The following AHCTF1 variants were observed in gnomAD, a reference collection of about 807,000 sequenced individuals.
The protein encoded by AHCTF1 is AT-hook containing transcription factor 1, also known as protein ELYS.
AHCTF1 carries 24 observed loss-of-function variants against 248.4 expected under a neutral mutation model. The ratio of observed to expected loss-of-function variants is 0.10; its 90% confidence interval spans 0.07 to 0.14. The LOEUF (loss-of-function observed/expected upper bound fraction) is 0.14. AHCTF1 is among the 10% of genes least tolerant of loss of function. The probability of loss-of-function intolerance (pLI) is 1.00; values close to 1 mark genes in which losing one functional copy is unlikely to be tolerated. For missense variants in AHCTF1, 2,206 were observed against 2,636.2 expected (o/e 0.84, Z 3.57); for synonymous variants, 786 against 929.8 (o/e 0.85, Z 2.81).
intron 17 of AHCTF1, among the ~76,000 whole-genome samples, 174 bp downstream of exon 17, chr1:246,889,792 A>G (rs1664094909): frequency 6.6e-6 from 1 of 152,226 alleles, no homozygotes; most frequent in South Asian, 2.1e-4. Flanking sequence ...AAAGGAACTA[A>G]GTAGGTTATT....
At chr1:246,899,836 T>C (rs1664868939) in intron 10 of AHCTF1, among the ~76,000 whole-genome samples, 1 of 151,748 alleles carries the variant, frequency 6.6e-6, no homozygotes, top group South Asian at 2.1e-4. Flanking sequence ...TAAGTCATAA[T>C]TCCTTTATAA....
chr1:246,869,319 A>G (rs896471232), intron 24 of AHCTF1, among the ~76,000 whole-genome samples: 1 of 152,124 alleles, frequency 6.6e-6, no homozygotes, highest in Admixed American at 6.5e-5. Context: ...TCCAAAGCCA[A>G]CTAATAACCC....
chr1:246,918,434 G>T, intron 1 of AHCTF1, 57 bp from the exon 2 acceptor site: 2 of 1,460,016 alleles, frequency 1.4e-6, no homozygotes, highest in South Asian at 2.9e-5. Flanking sequence ...CAATATACTT[G>T]ATTATGTCCA....
intron 24 of AHCTF1, among the ~76,000 whole-genome samples, chr1:246,868,988 GC>G (rs1662299310): frequency 2.0e-5 from 3 of 149,358 alleles, no homozygotes; most frequent in South Asian, 4.2e-4. Flanking sequence ...GGGACTACAG[GC>G]GCCCGCCACC....
intron 1 of AHCTF1, among the ~76,000 whole-genome samples, chr1:246,922,865 C>A (rs1218016691): frequency 6.6e-6 from 1 of 150,832 alleles, no homozygotes; most frequent in Non-Finnish European, 1.5e-5. Context: ...CGCCTGTAGT[C>A]CCAGCTACTC....
At chr1:246,860,058 G>A (rs993501332) in intron 29 of AHCTF1, among the ~76,000 whole-genome samples, 17 of 152,002 alleles carry the variant, frequency 1.1e-4, no homozygotes, top group African/African-American at 3.9e-4. Flanking sequence ...TCAGGAGTTC[G>A]AGACCAGCCT....
chr1:246,868,958 C>T (rs940918739), intron 24 of AHCTF1, among the ~76,000 whole-genome samples: 3 of 151,026 alleles, frequency 2.0e-5, no homozygotes, highest in Non-Finnish European at 4.4e-5. Context: ...CATTCTCCTG[C>T]CTCAGCCTGC....
intron 4 of AHCTF1, among the ~76,000 whole-genome samples, chr1:246,908,877 G>A (rs1420937713): frequency 1.3e-5 from 2 of 149,212 alleles, no homozygotes; most frequent in Non-Finnish European, 3.0e-5. Flanking sequence ...CAGCCTGGGT[G>A]ACAGAGCAAG....
chr1:246,908,054 CTGATT>C (rs766789283), intron 4 of AHCTF1, among the ~76,000 whole-genome samples: 2 of 152,014 alleles, frequency 1.3e-5, no homozygotes, highest in Non-Finnish European at 2.9e-5. Context: ...ATAAATAAAA[CTGATT>C]TATTTCTTTA....
intron 1 of AHCTF1, among the ~76,000 whole-genome samples, chr1:246,928,060 G>A (rs1159925338): frequency 6.6e-6 from 1 of 152,050 alleles, no homozygotes; most frequent in East Asian, 1.9e-4. Context: ...GCTCACGCCT[G>A]TAATCCCAAG....
intron 1 of AHCTF1, among the ~76,000 whole-genome samples, chr1:246,927,157 G>C (rs560191260): frequency 2.0e-5 from 3 of 150,108 alleles, no homozygotes; most frequent in Non-Finnish European, 4.4e-5. Context: ...CAGCCTGGGC[G>C]ACAGAGCGAG....
chr1:246,930,222 G>A (rs569738929), intron 1 of AHCTF1, among the ~76,000 whole-genome samples: 1 of 152,104 alleles, frequency 6.6e-6, no homozygotes, highest in Non-Finnish European at 1.5e-5. Flanking sequence ...TGCAACCCTC[G>A]AACTCTCAGT....
At chr1:246,895,111 A>C (rs1664481761) in intron 13 of AHCTF1, among the ~76,000 whole-genome samples, 1 of 152,198 alleles carries the variant, frequency 6.6e-6, no homozygotes, top group African/African-American at 2.4e-5. Flanking sequence ...ATTACATACA[A>C]ACTATTCTAG....
chr1:246,881,521 A>C (rs1347132409), intron 21 of AHCTF1, among the ~76,000 whole-genome samples: 1 of 152,160 alleles, frequency 6.6e-6, no homozygotes, highest in Non-Finnish European at 1.5e-5. Context: ...ATCAAGTCTT[A>C]CCAAAAAAAT....
intron 24 of AHCTF1, among the ~76,000 whole-genome samples, chr1:246,870,942 G>A (rs1662549515): frequency 1.3e-5 from 2 of 152,094 alleles, no homozygotes; most frequent in African/African-American, 4.8e-5. Context: ...TTTTAAAGAA[G>A]ACAAACAATA....
At chr1:246,875,548 C>T (rs1281014201) in intron 24 of AHCTF1, among the ~76,000 whole-genome samples, 1 of 152,162 alleles carries the variant, frequency 6.6e-6, no homozygotes, top group Non-Finnish European at 1.5e-5. Context: ...TCACATGCTA[C>T]AGAGAAACTC....
chr1:246,903,271 G>C (rs1358558458), intron 7 of AHCTF1, among the ~76,000 whole-genome samples: 2 of 152,090 alleles, frequency 1.3e-5, no homozygotes, highest in Admixed American at 6.5e-5. Flanking sequence ...AGATAAATAG[G>C]CAGCCATCTA....
At chr1:246,907,325 A>G (rs887617850) in intron 5 of AHCTF1, among the ~76,000 whole-genome samples, 5 of 152,206 alleles carry the variant, frequency 3.3e-5, no homozygotes, top group Admixed American at 3.3e-4. Context: ...ATGCCTTTTA[A>G]ATAAACACTG....
intron 27 of AHCTF1, among the ~76,000 whole-genome samples, chr1:246,862,912 T>C (rs888457272): frequency 1.3e-5 from 2 of 152,220 alleles, no homozygotes; most frequent in African/African-American, 4.8e-5. Context: ...ATTTATTTAG[T>C]AGAGATAATT....
Sources: gnomAD v4.1 joint callset for allele counts (sites outside exome capture counted in the v4.1 genomes callset) on GRCh38, gnomAD v4.1.1 for gene constraint, MANE v1.5 for transcripts, NCBI Gene and HGNC (gene_info 2026-07-23, HGNC 2026-07-21) for gene names.